RPTOR: variants seen among roughly 807,000 people sequenced by gnomAD.
RPTOR encodes regulatory-associated protein of mTOR.
A neutral mutation model predicts 169.9 loss-of-function variants in RPTOR; 21 were observed. The ratio of observed to expected loss-of-function variants is 0.12; its 90% CI spans 0.09 to 0.18. The LOEUF (loss-of-function observed/expected upper bound fraction) is 0.18. RPTOR is among the 10% of genes least tolerant of loss of function. RPTOR has a pLI of 1.00. For missense variants in RPTOR, 1,133 were observed against 1,855.9 expected (o/e 0.61, Z 7.16); for synonymous variants, 732 against 753.2 (o/e 0.97, Z 0.46).
intron 7 of RPTOR, among the ~76,000 whole-genome samples, chr17:80,816,687 C>T (rs2589132): frequency 0.5 from 75,449 of 151,962 alleles, 19,013 homozygotes; most frequent in African/African-American, 0.55. Flanking sequence ...TGGCCAGCCA[C>T]TGGAGTGAGG....
chr17:80,821,269 A>G (rs1212279431), intron 7 of RPTOR, among the ~76,000 whole-genome samples: 1 of 152,220 alleles, frequency 6.6e-6, no homozygotes, highest in Non-Finnish European at 1.5e-5. Flanking sequence ...TTAAGAAAAG[A>G]AGTTCACTGA....
intron 9 of RPTOR, among the ~76,000 whole-genome samples, 182 bp from the exon 10 acceptor site, chr17:80,837,740 C>T (rs994645002): frequency 3.3e-5 from 5 of 152,226 alleles, no homozygotes; most frequent in South Asian, 4.1e-4. Flanking sequence ...TCCCCTCGGA[C>T]GTCTTCTGCA....
rs949348203 is a variant in RPTOR, at chr17:80,822,318, G to A, written c.991+17G>A. 3.7e-6 allele frequency: 6 copies of A among 1,612,374 alleles called. No individual in the cohort carries two copies. The African/African-American group carries it at 8.0e-5, about 22-fold the overall frequency. On this transcript the variant is annotated intron_variant, in intron 8 of 33. Coordinates refer to ENST00000306801, the MANE Select transcript of RPTOR (RefSeq NM_020761.3). ...TCCCCCGGGGTGAGGCGCGGGCCGG[G>A]CCTTGGGGAGGGAGGCTATGGCCTT...
At chr17:80,917,295 T>G (rs1325850548) in intron 21 of RPTOR, among the ~76,000 whole-genome samples, 2 of 152,034 alleles carry the variant, frequency 1.3e-5, no homozygotes, top group Non-Finnish European at 1.5e-5. Flanking sequence ...GTATTTTTAG[T>G]AGAGACGGGG....
chr17:80,793,768 T>G (rs188842129), intron 7 of RPTOR, among the ~76,000 whole-genome samples: 230 of 152,320 alleles, frequency 1.5e-3, no homozygotes, highest in African/African-American at 5.1e-3. Context: ...AGCAAAAAGG[T>G]CTGTTAAAAA....
intron 3 of RPTOR, among the ~76,000 whole-genome samples, chr17:80,645,271 G>A (rs949389766): frequency 5.9e-5 from 9 of 152,146 alleles, no homozygotes; most frequent in African/African-American, 1.4e-4. Flanking sequence ...ATGGCATGTC[G>A]TTAACCAACA....
intron 3 of RPTOR, among the ~76,000 whole-genome samples, chr17:80,706,264 C>T (rs34310694): frequency 0.021 from 3,151 of 152,234 alleles, 60 homozygotes; most frequent in Non-Finnish European, 0.034. Context: ...CCCGTTGTTC[C>T]CCTCCCCAAC....
chr17:80,775,754 GTAAACAA>G (rs1215082071), intron 6 of RPTOR, among the ~76,000 whole-genome samples: 2 of 152,036 alleles, frequency 1.3e-5, no homozygotes, highest in Non-Finnish European at 2.9e-5. Context: ...TATTATAACA[GTAAACAA>G]TGAAAAGGAA....
intron 9 of RPTOR, among the ~76,000 whole-genome samples, chr17:80,832,320 G>A (rs909403998): frequency 6.6e-6 from 1 of 152,230 alleles, no homozygotes; most frequent in Non-Finnish European, 1.5e-5. Context: ...GTGGAAGCTC[G>A]TGCTGGCCAC....
At position 80,845,039 on chromosome 17, in the gene RPTOR, G is replaced by C. The variant is rs965874711; in HGVS notation, c.1213-1434G>C. Among the ~76,000 whole-genome samples the C allele has an allele frequency of 9.3e-5, 14 of 150,854 alleles. No homozygotes were observed. Among genetic ancestry groups the C allele is most frequent in the Non-Finnish European group, 1.3e-4 (9 of 67,770 alleles). On this transcript the variant is annotated intron_variant, in intron 10 of 33. Coordinates refer to ENST00000306801, the MANE Select transcript of RPTOR (RefSeq NM_020761.3). The surrounding 1 kb of genome is among the most constrained non-coding windows in gnomAD (Gnocchi z 5.4). ...CAGGGAAGGCAGAGCTGTGTGTTAA[G>C]TGGAAGTGACTCTCCGTGGAGGGAA...
At chr17:80,906,748 G>T (rs968903411) in intron 20 of RPTOR, among the ~76,000 whole-genome samples, 10 of 151,706 alleles carry the variant, frequency 6.6e-5, no homozygotes, top group African/African-American at 2.4e-4. Flanking sequence ...TGACCTCCTA[G>T]ATGGCAGCGT....
At chr17:80,813,468 T>G (rs2067293198) in intron 7 of RPTOR, among the ~76,000 whole-genome samples, 2 of 152,210 alleles carry the variant, frequency 1.3e-5, no homozygotes, top group African/African-American at 2.4e-5. Context: ...CAATGCAGCG[T>G]TCATTGAGAA....
At chr17:80,553,732 G>C (rs1272631316) in intron 1 of RPTOR, among the ~76,000 whole-genome samples, 1 of 140,912 alleles carries the variant, frequency 7.1e-6, no homozygotes, top group African/African-American at 2.6e-5. Flanking sequence ...GTTCACCAGA[G>C]GATAGGTGTT....
intron 19 of RPTOR, among the ~76,000 whole-genome samples, chr17:80,893,489 G>A (rs2068358427): frequency 6.9e-6 from 1 of 145,984 alleles, no homozygotes; most frequent in Admixed American, 6.8e-5. Context: ...GCCAGGGTGT[G>A]TGCGCCAGGG....
chr17:80,943,762 C>T (rs1402333852), intron 25 of RPTOR, among the ~76,000 whole-genome samples: 3 of 152,056 alleles, frequency 2.0e-5, no homozygotes, highest in African/African-American at 7.2e-5. Flanking sequence ...GGTGAGGACA[C>T]GGTTAGTAAG....
At chr17:80,819,318 C>T (rs2143604082) in intron 7 of RPTOR, among the ~76,000 whole-genome samples, 1 of 152,348 alleles carries the variant, frequency 6.6e-6, no homozygotes, top group South Asian at 2.1e-4. Context: ...GGTTTTTCCT[C>T]CAATTGTTTC....
At chr17:80,598,882 T>TTCTATCTATCTATCTA (rs57535540) in intron 1 of RPTOR, among the ~76,000 whole-genome samples, 1,687 of 146,864 alleles carry the variant, frequency 0.011, 16 homozygotes, top group African/African-American at 0.019. Context: ...TCTTGATTCT[T>TTCTATCTATCTATCTA]TCTATCTATC....
At chr17:80,841,360 T>C (rs1265252787) in intron 10 of RPTOR, among the ~76,000 whole-genome samples, 3 of 76,308 alleles carry the variant, frequency 3.9e-5, no homozygotes, top group Admixed American at 1.5e-4. Flanking sequence ...TCGCTCTCTC[T>C]GCACCGCAGC....
rs942591579 is a variant in RPTOR, at chr17:80,754,400, G to A, written c.830+215G>A. ...GATCCTTCTTCCTTCTGATCTGTTCGTGGGCAGCTCACTGCTTTGCGATTT... is the reference window on the plus strand; with the variant it reads ...GATCCTTCTTCCTTCTGATCTGTTCATGGGCAGCTCACTGCTTTGCGATTT... On this transcript the variant is annotated intron_variant, in intron 6 of 33. Transcript: ENST00000306801. The surrounding 1 kb of genome is among the most constrained non-coding windows in gnomAD (Gnocchi z 4.2). 3.9e-5 allele frequency among the ~76,000 whole-genome samples: 6 copies of A among 152,136 alleles called. No individual in the cohort carries two copies. The highest frequency in any genetic ancestry group is 1.2e-4 in the African/African-American group (5 of 41,416).
Sources: gnomAD v4.1 joint callset for allele counts (sites outside exome capture counted in the v4.1 genomes callset) on GRCh38, gnomAD v4.1.1 for gene constraint, Gnocchi (gnomAD v3.1) non-coding constraint, MANE v1.5 for transcripts, NCBI Gene and HGNC (gene_info 2026-07-23, HGNC 2026-07-21) for gene names.